The following SCN1A variants were observed in gnomAD, a reference collection of about 807,000 sequenced individuals.
SCN1A encodes the protein sodium channel protein type 1 subunit alpha.
A neutral mutation model predicts 193.7 loss-of-function variants in SCN1A; 13 were observed. The ratio of observed to expected loss-of-function variants is 0.07; its 90% CI spans 0.04 to 0.11. SCN1A has a LOEUF of 0.11. SCN1A is among the 10% of genes least tolerant of loss of function. SCN1A has a pLI of 1.00. For missense variants in SCN1A, 1,432 were observed against 2,451.1 expected (o/e 0.58, Z 8.78); for synonymous variants, 781 against 843.6 (o/e 0.93, Z 1.29).
At chr2:166,070,374 C>A (rs1374965342) in intron 4 of SCN1A, among the ~76,000 whole-genome samples, 1 of 152,196 alleles carries the variant, frequency 6.6e-6, no homozygotes, top group Non-Finnish European at 1.5e-5. Context: ...GGGGAAAACT[C>A]TTTCCTGATA....
In SCN1A at chr2:166,047,023, G is replaced by A. The variant is rs575838597; in HGVS notation, c.1171-47C>T. On this transcript the variant is annotated intron_variant, in intron 11 of 28. Transcript: ENST00000674923. ...TTATTTCTCAATATTATTTCACTAA[G>A]TGGTGGCTTCAACTTTCAATTTACT... The A allele has an allele frequency of 8.1e-6, 13 of 1,600,940 alleles. No individual in the cohort carries two copies. In the Admixed American group the frequency reaches 1.8e-4, roughly 23 times the overall value.
In SCN1A at chr2:166,003,420, CATAAT is replaced by C. The variant is rs576379917; in HGVS notation, c.4003-672_4003-668del. Among the ~76,000 whole-genome samples, 131 of 151,272 alleles carry C rather than the reference CATAAT, an allele frequency of 8.7e-4. 2 individuals carry two copies. In the Middle Eastern group the frequency reaches 0.01, roughly 12 times the overall value. On this transcript the variant is annotated intron_variant, in intron 23 of 28. Transcript: ENST00000674923. ...TTCAAAAAACTTATTTCAAATGAAA[CATAAT>C]AGAAATCATTTCTTAGGAAAATAAG...
chr2:165,997,854 G>A (rs886427638), intron 26 of SCN1A, among the ~76,000 whole-genome samples, 184 bp downstream of exon 26: 1 of 151,218 alleles, frequency 6.6e-6, no homozygotes, highest in Admixed American at 6.6e-5. Flanking sequence ...GTGGAACACA[G>A]TTATTCTTAG....
At chr2:166,118,302 C>CTTTTTTTTT (rs61002916) in intron 2 of SCN1A, among the ~76,000 whole-genome samples, 1 of 81,072 alleles carries the variant, frequency 1.2e-5, no homozygotes, top group African/African-American at 5.1e-5. Flanking sequence ...TATTTAGTTT[C>CTTTTTTTTT]TTTTTTTTTT....
intron 2 of SCN1A, among the ~76,000 whole-genome samples, chr2:166,101,434 C>T (rs947446302): frequency 1.3e-5 from 2 of 148,746 alleles, no homozygotes; most frequent in Non-Finnish European, 3.0e-5. Flanking sequence ...GGGTGCAGCG[C>T]ACCAGCATGG....
At chr2:166,084,583 GA>G (rs1685897737) in intron 2 of SCN1A, among the ~76,000 whole-genome samples, 2 of 152,096 alleles carry the variant, frequency 1.3e-5, no homozygotes, top group African/African-American at 4.8e-5. Flanking sequence ...CCCTTTGAAG[GA>G]AAAAGATGCC....
upstream of SCN1A, among the ~76,000 whole-genome samples, chr2:166,129,184 T>G (rs1691532206): frequency 6.6e-6 from 1 of 152,128 alleles, no homozygotes; most frequent in African/African-American, 2.4e-5. Flanking sequence ...CACTGAAGCT[T>G]TCTGAGCCTT....
At chr2:166,122,174 G>T (rs1690676137) in intron 2 of SCN1A, among the ~76,000 whole-genome samples, 1 of 152,072 alleles carries the variant, frequency 6.6e-6, no homozygotes, top group Non-Finnish European at 1.5e-5. Flanking sequence ...TATTTGAATG[G>T]CACACCTCTA....
At chr2:166,025,502 T>C (rs1694641198) in intron 19 of SCN1A, among the ~76,000 whole-genome samples, 1 of 152,122 alleles carries the variant, frequency 6.6e-6, no homozygotes, top group East Asian at 1.9e-4. Context: ...TTTGCCTGAT[T>C]AGGTCAGGCC....
At chr2:166,069,024 T>C (rs1225491369) in intron 4 of SCN1A, among the ~76,000 whole-genome samples, 1 of 151,882 alleles carries the variant, frequency 6.6e-6, no homozygotes, top group African/African-American at 2.4e-5. Context: ...TAGGGCCAAA[T>C]GGTACAAAAT....
intron 2 of SCN1A, among the ~76,000 whole-genome samples, chr2:166,116,542 AACTT>A (rs1282272109): frequency 6.6e-6 from 1 of 152,024 alleles, no homozygotes; most frequent in Non-Finnish European, 1.5e-5. Context: ...CAGTGCAACA[AACTT>A]AATCTGAATA....
At chr2:166,024,943 G>T (rs1409242691) in intron 19 of SCN1A, among the ~76,000 whole-genome samples, 1 of 152,116 alleles carries the variant, frequency 6.6e-6, no homozygotes, top group Non-Finnish European at 1.5e-5. Context: ...AGTGAGCCAC[G>T]GTGCTTGGTC....
Position 166,048,239 on chromosome 2 carries a change from A to G in SCN1A, c.1029-471T>C, listed in dbSNP as rs193272517. ...GAAGTTCAGGGGTACGTACATGTACAGGTTTGTTATATAGGTAAATGTGTG... is the reference window on the plus strand; with the variant it reads ...GAAGTTCAGGGGTACGTACATGTACGGGTTTGTTATATAGGTAAATGTGTG... On this transcript the variant is annotated intron_variant, in intron 10 of 28. Coordinates refer to ENST00000674923, the MANE Select transcript of SCN1A (RefSeq NM_001165963.4). Among the ~76,000 whole-genome samples the G allele has an allele frequency of 4.2e-3, 645 of 152,130 alleles. 7 individuals are homozygous for G. The highest frequency in any genetic ancestry group is 0.014 in the Middle Eastern group (4 of 294).
chr2:165,998,222 C>T (rs1326268750), intron 25 of SCN1A, 47 bp from the exon 26 acceptor site: 2 of 1,479,738 alleles, frequency 1.4e-6, no homozygotes, highest in Admixed American at 1.7e-5. Flanking sequence ...CATTTTAGTG[C>T]TGGAAATGTC....
rs1688671317 is a variant in SCN1A at position 165,987,308 on chromosome 2, G to T, written c.*3937C>A. On this transcript the variant is annotated 3_prime_UTR_variant, in exon 29 of 29. Transcript: ENST00000674923. ...GATGATATCTTTGAAGGTATTGTCT[G>T]CTGTATTTCTCCAAAGTATACTTTC... 1 of 152,096 alleles carries T rather than the reference G, an allele frequency of 6.6e-6. No individual in the cohort carries two copies. The highest frequency in any genetic ancestry group is 1.5e-5 in the Non-Finnish European group (1 of 68,012). The allele number at this position is 152,096 out of a possible 1,614,324, so 9.4% of individuals were successfully genotyped here.
At chr2:166,013,678 A>G (rs1327802421) in intron 21 of SCN1A, 66 bp downstream of exon 21, 7 of 1,420,384 alleles carry the variant, frequency 4.9e-6, no homozygotes, top group South Asian at 4.6e-5. Context: ...CAAAGGATTA[A>G]TAAGTCATCA....
At chr2:166,131,871 C>CA (rs971303511), upstream of SCN1A, among the ~76,000 whole-genome samples, 7 of 152,058 alleles carry the variant, frequency 4.6e-5, no homozygotes, top group Admixed American at 1.3e-4. Flanking sequence ...AATTTTTAGC[C>CA]AAAAATTTCC....
intron 3 of SCN1A, among the ~76,000 whole-genome samples, chr2:166,074,628 T>G (rs879395416): frequency 2.0e-5 from 3 of 152,154 alleles, no homozygotes; most frequent in Non-Finnish European, 4.4e-5. Flanking sequence ...AATGTATTGT[T>G]TTAAGGCATA....
chr2:166,141,413 C>A (rs1405557489), intron 1 of SCN1A, among the ~76,000 whole-genome samples: 2 of 151,704 alleles, frequency 1.3e-5, no homozygotes, highest in African/African-American at 4.8e-5. Flanking sequence ...TACCAGACAC[C>A]AGGCATGGTG....
Sources: allele counts gnomAD v4.1 joint callset (sites outside exome capture counted in the v4.1 genomes callset), GRCh38; gene constraint gnomAD v4.1.1; transcripts MANE v1.5; gene names NCBI Gene and HGNC (gene_info 2026-07-23, HGNC 2026-07-21).